Variants in LRCH1 observed in about 807,000 individuals in gnomAD.
LRCH1 encodes the protein leucine rich repeats and calponin homology domain containing 1.
Under a neutral mutation model 94.9 loss-of-function variants are expected in LRCH1, and 23 were observed. The observed-to-expected ratio is 0.24, with a 90% CI of 0.17 to 0.34. The LOEUF is 0.34. Ranked by LOEUF, LRCH1 falls within the 10% of genes least tolerant of loss-of-function variation. The pLI, the probability that LRCH1 is intolerant of heterozygous loss-of-function variation, is 1.00. For synonymous variants in LRCH1, 364 were observed against 354.9 expected (o/e 1.03, Z -0.29); for missense variants, 790 against 945.9 (o/e 0.84, Z 2.16).
intron 16 of LRCH1, among the ~76,000 whole-genome samples, chr13:46,720,297 G>A (rs2138213981): frequency 6.6e-6 from 1 of 152,114 alleles, no homozygotes; most frequent in East Asian, 1.9e-4. Context: ...TGAGATGGGA[G>A]AATCGCGTGA....
Position 46,668,980 on chromosome 13 carries a change from A to G in LRCH1, c.453-50A>G, listed in dbSNP as rs1263533599. 8 of 1,606,750 alleles carry G rather than the reference A, an allele frequency of 5.0e-6. No individual in the cohort carries two copies. In the Admixed American group the frequency reaches 1.3e-4, roughly 27 times the overall value. ...TGTTAAAAACAGGTTCACAGACAGTATGAAGTGGCCTTTCTGTTTACATGT... is the reference window on the plus strand; with the variant it reads ...TGTTAAAAACAGGTTCACAGACAGTGTGAAGTGGCCTTTCTGTTTACATGT... On this transcript the variant is annotated intron_variant, in intron 2 of 19. Transcript: ENST00000389797.
chr13:46,590,219 T>G (rs1324401538), intron 1 of LRCH1, among the ~76,000 whole-genome samples: 2 of 152,174 alleles, frequency 1.3e-5, no homozygotes, highest in Non-Finnish European at 2.9e-5. Flanking sequence ...AACTTCTGAT[T>G]AGAGTCTCTT....
intron 1 of LRCH1, among the ~76,000 whole-genome samples, chr13:46,583,186 G>A (rs990858321): frequency 2.0e-5 from 3 of 152,180 alleles, no homozygotes; most frequent in African/African-American, 7.2e-5. Context: ...ACCAAAACAA[G>A]TCGATTCTAG....
chr13:46,734,139 A>G (rs1335163734), intron 19 of LRCH1, 141 bp downstream of exon 19: 1 of 438,956 alleles, frequency 2.3e-6, no homozygotes, highest in Non-Finnish European at 4.1e-6. Context: ...TGAATAAATT[A>G]TATAAACTTT....
chr13:46,715,730 A>G (rs989159333), intron 16 of LRCH1, 66 bp downstream of exon 16: 14 of 925,438 alleles, frequency 1.5e-5, no homozygotes, highest in Middle Eastern at 2.1e-4. Flanking sequence ...CTGAACATTC[A>G]TCTCTGTGCA....
At chr13:46,563,041 C>T (rs2050146325) in intron 1 of LRCH1, among the ~76,000 whole-genome samples, 1 of 151,758 alleles carries the variant, frequency 6.6e-6, no homozygotes, top group South Asian at 2.1e-4. Context: ...CCAACATTTG[C>T]AAGTGTTCGA....
At chr13:46,736,903 G>A (rs937267033) in intron 19 of LRCH1, among the ~76,000 whole-genome samples, 4 of 152,188 alleles carry the variant, frequency 2.6e-5, no homozygotes, top group Non-Finnish European at 4.4e-5. Context: ...TAGAATCACA[G>A]TTTGAAACTA....
intron 2 of LRCH1, among the ~76,000 whole-genome samples, chr13:46,652,757 T>G (rs2051323623): frequency 6.6e-6 from 1 of 152,208 alleles, no homozygotes; most frequent in African/African-American, 2.4e-5. Context: ...TCACTGCTGG[T>G]AGTCCTGGAT....
intron 1 of LRCH1, among the ~76,000 whole-genome samples, chr13:46,599,646 C>T (rs985525253): frequency 2.0e-5 from 3 of 152,162 alleles, no homozygotes; most frequent in African/African-American, 7.2e-5. Flanking sequence ...TATTATTAAA[C>T]TTAGTAGCAT....
At chr13:46,726,862 C>A (rs1484606881) in intron 17 of LRCH1, among the ~76,000 whole-genome samples, 1,192 of 77,366 alleles carry the variant, frequency 0.015, no homozygotes, top group Middle Eastern at 0.054. Context: ...AGAGCAGTGT[C>A]AAAAAAAAAA....
intron 1 of LRCH1, among the ~76,000 whole-genome samples, chr13:46,595,289 C>T (rs2050547725): frequency 6.6e-6 from 1 of 152,160 alleles, no homozygotes; most frequent in Non-Finnish European, 1.5e-5. Context: ...GAAACCATAC[C>T]TTTCCTGATG....
intron 10 of LRCH1, 112 bp downstream of exon 10, chr13:46,699,515 TA>T (rs1438127293): frequency 1.1e-6 from 1 of 894,696 alleles, no homozygotes; most frequent in Non-Finnish European, 1.8e-6. Flanking sequence ...GGCAAGCTGA[TA>T]TTCTTACAGA....
intron 1 of LRCH1, among the ~76,000 whole-genome samples, chr13:46,629,488 A>G (rs1361930185): frequency 6.6e-6 from 1 of 152,182 alleles, no homozygotes; most frequent in African/African-American, 2.4e-5. Flanking sequence ...AATGCTGCCA[A>G]TGAGCCATTG....
chr13:46,561,692 A>G (rs748812364), intron 1 of LRCH1, among the ~76,000 whole-genome samples: 6 of 152,190 alleles, frequency 3.9e-5, no homozygotes, highest in South Asian at 2.1e-4. Context: ...AGACAGCACC[A>G]TCAACACACT....
intron 1 of LRCH1, among the ~76,000 whole-genome samples, chr13:46,555,404 T>C (rs2050053301): frequency 6.6e-6 from 1 of 152,224 alleles, no homozygotes; most frequent in East Asian, 1.9e-4. Context: ...CTACTTCAGT[T>C]ATGCTAAGGA....
chr13:46,554,304 A>G (rs2137886726), intron 1 of LRCH1, among the ~76,000 whole-genome samples: 1 of 152,324 alleles, frequency 6.6e-6, no homozygotes, highest in African/African-American at 2.4e-5. Context: ...GAGGTGCCCA[A>G]GTTTCCTCTC....
intron 1 of LRCH1, among the ~76,000 whole-genome samples, chr13:46,589,384 C>CT (rs1056573462): frequency 6.6e-6 from 1 of 151,918 alleles, no homozygotes; most frequent in African/African-American, 2.4e-5. Flanking sequence ...CATAAAGACA[C>CT]TAACATTTCA....
At chr13:46,625,117 C>G (rs1335337857) in intron 1 of LRCH1, among the ~76,000 whole-genome samples, 2 of 152,230 alleles carry the variant, frequency 1.3e-5, no homozygotes, top group East Asian at 3.8e-4. Flanking sequence ...GATTCTTAAC[C>G]CCCTCTCTTG....
intron 1 of LRCH1, among the ~76,000 whole-genome samples, chr13:46,634,632 A>G (rs9526208): frequency 0.83 from 126,818 of 152,292 alleles, 53,302 homozygotes; most frequent in African/African-American, 0.94. Flanking sequence ...ACCTTTGCAG[A>G]GTTGAGATAT....
Sources: gnomAD v4.1 joint callset for allele counts (sites outside exome capture counted in the v4.1 genomes callset) on GRCh38, gnomAD v4.1.1 for gene constraint, MANE v1.5 for transcripts, NCBI Gene and HGNC (gene_info 2026-07-23, HGNC 2026-07-21) for gene names.